WDPCP: variants seen among roughly 807,000 people sequenced by gnomAD.
WDPCP encodes WD repeat-containing and planar cell polarity effector protein fritz homolog.
Under a neutral mutation model 93.1 loss-of-function variants are expected in WDPCP, and 71 were observed. The ratio of observed to expected loss-of-function variants is 0.76; its 90% CI spans 0.63 to 0.93. WDPCP has a LOEUF of 0.93. Among genes scored for constraint, WDPCP ranks in the 40% least tolerant of loss-of-function variants. WDPCP has a pLI of 0.00. For synonymous variants in WDPCP, 315 were observed against 315.0 expected, an observed-to-expected ratio of 1.00 and a Z score of 0.00; for missense variants, 844 against 887.4, an observed-to-expected ratio of 0.95 and a Z score of 0.62.
chr2:63,184,571 C>T (rs1406342498), intron 14 of WDPCP, among the ~76,000 whole-genome samples: 2 of 152,046 alleles, frequency 1.3e-5, no homozygotes, highest in African/African-American at 4.8e-5. Context: ...AAAGTTCCCA[C>T]TGAGAAGTCC....
intron 6 of WDPCP, among the ~76,000 whole-genome samples, chr2:63,455,535 G>C (rs1275099423): frequency 6.6e-6 from 1 of 151,186 alleles, no homozygotes; most frequent in Non-Finnish European, 1.5e-5. Flanking sequence ...ATTTATATCA[G>C]ATAAAACAGA....
At chr2:63,264,367 C>T (rs563197373) in intron 13 of WDPCP, among the ~76,000 whole-genome samples, 5 of 152,242 alleles carry the variant, frequency 3.3e-5, no homozygotes, top group African/African-American at 7.2e-5. Context: ...AGGCTGGGTG[C>T]GGTGGCTCAC....
At chr2:63,809,269 G>A (rs1210269395) in intron 2 of WDPCP, among the ~76,000 whole-genome samples, 5 of 144,192 alleles carry the variant, frequency 3.5e-5, no homozygotes, top group Non-Finnish European at 6.1e-5. Flanking sequence ...CCAGCCAGCC[G>A]CCCCATCCGG....
chr2:63,259,285 T>G, intron 14 of WDPCP, 22 bp downstream of exon 14: 2 of 1,592,534 alleles, frequency 1.3e-6, no homozygotes, highest in Non-Finnish European at 1.7e-6. Flanking sequence ...AAAAAGCACT[T>G]AAAAATAGCG....
chr2:63,144,962 TAC>T (rs748565622), intron 17 of WDPCP, among the ~76,000 whole-genome samples: 1 of 152,210 alleles, frequency 6.6e-6, no homozygotes, highest in East Asian at 1.9e-4. Flanking sequence ...CTTGATGTAG[TAC>T]TCTCCCCCTT....
At chr2:63,255,530 T>G (rs1681062175) in intron 14 of WDPCP, among the ~76,000 whole-genome samples, 1 of 152,080 alleles carries the variant, frequency 6.6e-6, no homozygotes, top group Non-Finnish European at 1.5e-5. Flanking sequence ...GCTAGTTGTT[T>G]ACAGGAGCCT....
At chr2:63,270,015 G>A (rs1290605397) in intron 13 of WDPCP, among the ~76,000 whole-genome samples, 1 of 152,134 alleles carries the variant, frequency 6.6e-6, no homozygotes, top group Non-Finnish European at 1.5e-5. Context: ...TTCTAATGCT[G>A]TATTTTAGAA....
intron 17 of WDPCP, among the ~76,000 whole-genome samples, chr2:63,147,325 C>G (rs978135947): frequency 6.6e-6 from 1 of 151,962 alleles, no homozygotes; most frequent in South Asian, 2.1e-4. Context: ...AAGCAGTACT[C>G]CAAGTGAAGA....
chr2:63,552,102 T>TTTTTTTTTTTTTTTTTGAG (rs1558796702), intron 1 of WDPCP, among the ~76,000 whole-genome samples: 1 of 113,912 alleles, frequency 8.8e-6, no homozygotes, highest in African/African-American at 4.8e-5. Context: ...CTGCTTTCTT[T>TTTTTTTTTTTTTTTTTGAG]AAAACAATAT....
chr2:63,563,056 C>T (rs751332584), intron 1 of WDPCP, among the ~76,000 whole-genome samples: 2 of 152,134 alleles, frequency 1.3e-5, no homozygotes, highest in East Asian at 1.9e-4. Context: ...CAAATACACA[C>T]ACACATACAT....
At chr2:63,788,648 C>A (rs1180195575) in intron 2 of WDPCP, among the ~76,000 whole-genome samples, 1 of 152,106 alleles carries the variant, frequency 6.6e-6, no homozygotes, top group East Asian at 1.9e-4. Context: ...GAGAAACAAA[C>A]TGCCAAAGTT....
chr2:63,706,612 T>C (rs1000125979), intron 2 of WDPCP, among the ~76,000 whole-genome samples: 15 of 134,748 alleles, frequency 1.1e-4, no homozygotes, highest in African/African-American at 4.1e-4. Context: ...TTTTTTTTTT[T>C]TTTTTTTTTT....
At chr2:63,324,867 A>G (rs1183011684) in intron 12 of WDPCP, among the ~76,000 whole-genome samples, 1 of 152,206 alleles carries the variant, frequency 6.6e-6, no homozygotes, top group African/African-American at 2.4e-5. Context: ...GAATTATTCA[A>G]TGATGTCCAC....
At chr2:63,677,195 A>G (rs1432071173) in intron 2 of WDPCP, among the ~76,000 whole-genome samples, 9 of 152,184 alleles carry the variant, frequency 5.9e-5, no homozygotes, top group Admixed American at 3.3e-4. Flanking sequence ...AATAATTTCA[A>G]TACTTGGATA....
Position 63,572,701 on chromosome 2 carries a change from C to CAAAAAAAAAAAAAAAAAAAA in WDPCP, c.75+15476_75+15495dup. Among the ~76,000 whole-genome samples, 119 of 24,776 alleles carry CAAAAAAAAAAAAAAAAAAAA rather than the reference C, an allele frequency of 4.8e-3. 19 individuals are homozygous for CAAAAAAAAAAAAAAAAAAAA. The highest frequency in any genetic ancestry group is 8.6e-3 in the Admixed American group (11 of 1,286). The allele number at this position is 24,776 out of a possible 152,430, so 16.3% of individuals were successfully genotyped here. ...TGGGTGACAGAGTGAGACTCTGTCT[C>CAAAAAAAAAAAAAAAAAAAA]AAAAAAAAAAAAAAAAAAAAAAAAA... On this transcript the variant is annotated intron_variant, in intron 1 of 17. Transcript: ENST00000272321.
chr2:63,235,083 T>C (rs1679269663), intron 14 of WDPCP, among the ~76,000 whole-genome samples: 2 of 152,036 alleles, frequency 1.3e-5, no homozygotes, highest in Non-Finnish European at 2.9e-5. Context: ...CTAAGCAGGA[T>C]TAATAGGCCA....
intron 2 of WDPCP, among the ~76,000 whole-genome samples, chr2:63,714,893 T>G (rs1390248901): frequency 6.6e-6 from 1 of 152,110 alleles, no homozygotes; most frequent in Non-Finnish European, 1.5e-5. Context: ...ACATTCACAA[T>G]AGTCAAAGGT....
intron 10 of WDPCP, among the ~76,000 whole-genome samples, chr2:63,383,177 C>CA (rs1383328098): frequency 2.0e-5 from 3 of 151,718 alleles, no homozygotes; most frequent in Non-Finnish European, 4.4e-5. Context: ...ACTGGATGTA[C>CA]AAAAAAGCAA....
chr2:63,325,792 G>A (rs1483083068), intron 12 of WDPCP, among the ~76,000 whole-genome samples: 3 of 152,184 alleles, frequency 2.0e-5, no homozygotes, highest in Admixed American at 6.5e-5. Flanking sequence ...TACTTGAAAA[G>A]AAAATCAACC....
Sources: allele counts gnomAD v4.1 joint callset (sites outside exome capture counted in the v4.1 genomes callset), GRCh38; gene constraint gnomAD v4.1.1; transcripts MANE v1.5; gene names NCBI Gene and HGNC (gene_info 2026-07-23, HGNC 2026-07-21).